PPP1R3F: variants seen among roughly 807,000 people sequenced by gnomAD.
The protein encoded by PPP1R3F is protein phosphatase 1, regulatory (inhibitor) subunit 3F.
Under a neutral mutation model 24.2 loss-of-function variants are expected in PPP1R3F, and 29 were observed. The observed-to-expected ratio is 1.20, with a 90% CI of 0.89 to 1.63. The LOEUF is 1.63. Among genes scored for constraint, PPP1R3F ranks in the 40% most tolerant of loss-of-function variants. The pLI is 0.00. For synonymous variants in PPP1R3F, 363 were observed against 340.1 expected, an observed-to-expected ratio of 1.07 and a Z score of -0.74; for missense variants, 823 against 729.3, an observed-to-expected ratio of 1.13 and a Z score of -1.48.
intron 1 of PPP1R3F, among the ~76,000 whole-genome samples, chrX:49,272,033 TC>T (rs1206223631): frequency 1.8e-5 from 2 of 112,549 alleles, no homozygotes; most frequent in African/African-American, 6.5e-5. Context: ...ATTTCCCTGT[TC>T]CTGGGAGGAC....
chrX:49,286,451 C>T lies in PPP1R3F; in HGVS notation c.1761C>T (p.Pro587=). The T allele has an allele frequency of 8.3e-7, 1 of 1,198,135 alleles. No individual in the cohort carries two copies. Among genetic ancestry groups the T allele is most frequent in the Non-Finnish European group, 1.1e-6 (1 of 886,857 alleles). ...GEGEEGLSVT[P]SSPEGDSPKE... is the part of the protein sequence containing the mutation. ...GTGAAGAGGGGCTCTCTGTCACACC[C>T]TCCAGCCCAGAAGGGGACAGCCCCA... is the stretch of plus-strand genomic sequence containing the variant. Residue 587 remains proline, a synonymous_variant, in exon 4 of 4, where the codon CCC becomes CCT. Transcript: ENST00000055335.
Position 49,270,124 on chromosome X carries a change from C to T in PPP1R3F, c.255C>T (p.Gly85=). The T allele has an allele frequency of 9.6e-7, 1 of 1,043,789 alleles. No individual in the cohort carries two copies. Among genetic ancestry groups the T allele is most frequent in the Non-Finnish European group, 1.2e-6 (1 of 817,250 alleles). 86.0% of individuals were successfully genotyped at this position (1,043,789 alleles called of 1,213,427 possible). A position where few individuals can be genotyped will look rare whatever the true frequency, so the allele number is the denominator to read the frequency against. The change falls in exon 1 of 4, where the codon GGC becomes GGT. Residue 85 remains glycine, a synonymous_variant. Coordinates refer to ENST00000055335, the MANE Select transcript of PPP1R3F (RefSeq NM_033215.5). ...GCGGGGCCGACGAGGACGACGATGG[C>T]GAGGATGGGGATGAAGGGGAGGAGG... ...GGGGADEDDD[G]EDGDEGEEEE...
chrX:49,300,662 G>GT (rs1372011742), intron 3 of PPP1R3F, among the ~76,000 whole-genome samples: 5 of 109,482 alleles, frequency 4.6e-5, no homozygotes, highest in East Asian at 2.9e-4. Context: ...GATTAATTTT[G>GT]TTTTTTTGAT....
Position 49,269,818 on chromosome X carries a change from T to C in PPP1R3F, c.-52T>C. ...ATTGGCTGCCCGCCCCTTCAGGCCCTGCCCCCGCCGGTCCCGCCGCCGGTG... is the reference window on the plus strand; with the variant it reads ...ATTGGCTGCCCGCCCCTTCAGGCCCCGCCCCCGCCGGTCCCGCCGCCGGTG... On this transcript the variant is annotated 5_prime_UTR_variant, in exon 1 of 4. Coordinates refer to ENST00000055335, the MANE Select transcript of PPP1R3F (RefSeq NM_033215.5). The C allele has an allele frequency of 2.5e-6, 2 of 795,042 alleles. No homozygotes were observed. The highest frequency in any genetic ancestry group is 3.1e-6 in the Non-Finnish European group (2 of 644,034). The allele number at this position is 795,042 out of a possible 1,213,427, so 65.5% of individuals were successfully genotyped here. A position where few individuals can be genotyped will look rare whatever the true frequency, so the allele number is the denominator to read the frequency against.
At chrX:49,301,267 C>G in intron 3 of PPP1R3F, 1 of 422,442 alleles carries the variant, frequency 2.4e-6, no homozygotes, top group Non-Finnish European at 4.1e-6. Context: ...AAAACCCAAA[C>G]TGTAGTATGC....
At position 49,269,798 on chromosome X, in the gene PPP1R3F, C is replaced by A; in HGVS notation, c.-72C>A. The A allele has an allele frequency of 1.5e-6, 1 of 673,033 alleles. No individual in the cohort carries two copies. Among genetic ancestry groups the A allele is most frequent in the Non-Finnish European group, 1.9e-6 (1 of 535,020 alleles). 55.5% of individuals were successfully genotyped at this position (673,033 alleles called of 1,213,427 possible). A position where few individuals can be genotyped will look rare whatever the true frequency, so the allele number is the denominator to read the frequency against. On this transcript the variant is annotated 5_prime_UTR_variant, in exon 1 of 4. In the 5' UTR this introduces an upstream ATG that the reference lacks. Coordinates refer to ENST00000055335, the MANE Select transcript of PPP1R3F (RefSeq NM_033215.5). The stretch of plus-strand genomic sequence containing the variant: ...CCCTCCGCGCTGGCCTTCCCATTGG[C>A]TGCCCGCCCCTTCAGGCCCTGCCCC...
intron 3 of PPP1R3F, among the ~76,000 whole-genome samples, chrX:49,301,125 A>G (rs1334921191): frequency 6.2e-5 from 7 of 112,606 alleles, no homozygotes; most frequent in African/African-American, 2.3e-4. Context: ...CTGAATTTAA[A>G]GGAGGTACTT....
intron 1 of PPP1R3F, among the ~76,000 whole-genome samples, chrX:49,279,801 C>G (rs1295486082): frequency 8.9e-6 from 1 of 112,508 alleles, no homozygotes; most frequent in Admixed American, 9.3e-5. Context: ...ATGCTTCCCT[C>G]ATTTACCTTA....
At chrX:49,299,747 G>A (rs782095383) in intron 3 of PPP1R3F, among the ~76,000 whole-genome samples, 9 of 111,881 alleles carry the variant, frequency 8.0e-5, no homozygotes, top group Non-Finnish European at 1.7e-4. Context: ...TGGCTACAGC[G>A]GGTTTGCCAA....
intron 1 of PPP1R3F, chrX:49,281,181 G>A: frequency 3.3e-6 from 1 of 303,686 alleles, no homozygotes; most frequent in Non-Finnish European, 5.7e-6. Context: ...TGGCTGATGT[G>A]TGATTGTTTT....
intron 3 of PPP1R3F, among the ~76,000 whole-genome samples, chrX:49,283,049 A>G (rs1401651338): frequency 9.1e-6 from 1 of 109,359 alleles, no homozygotes; most frequent in African/African-American, 3.3e-5. Flanking sequence ...TTTTAATTAC[A>G]AAAAGTTTCA....
chrX:49,288,962 C>T (rs984879106), downstream of PPP1R3F, among the ~76,000 whole-genome samples: 6 of 110,390 alleles, frequency 5.4e-5, no homozygotes, highest in Admixed American at 9.7e-5. Context: ...GGTGAAACCC[C>T]GTCTCTACTA....
chrX:49,277,900 A>G (rs1297422993), intron 1 of PPP1R3F, among the ~76,000 whole-genome samples: 1 of 111,948 alleles, frequency 8.9e-6, no homozygotes, highest in Non-Finnish European at 1.9e-5. Context: ...TGTCAATGAG[A>G]GGGGCCCATG....
At chrX:49,281,521 T>G in intron 2 of PPP1R3F, 60 bp downstream of exon 2, 10 of 977,211 alleles carry the variant, frequency 1.0e-5, no homozygotes, top group Non-Finnish European at 1.4e-5. Context: ...TTCTTCCTAC[T>G]GTTTTTCTTT....
intron 1 of PPP1R3F, chrX:49,274,308 G>A (rs918886924): frequency 9.0e-6 from 1 of 111,523 alleles, no homozygotes; most frequent in East Asian, 2.8e-4. Context: ...GACCAAGAGA[G>A]CCTCACCATG....
intron 1 of PPP1R3F, among the ~76,000 whole-genome samples, chrX:49,279,173 T>C (rs375311947): frequency 8.3e-4 from 93 of 111,646 alleles, no homozygotes; most frequent in South Asian, 1.9e-3. Flanking sequence ...GAGGATCGCT[T>C]GAGTCCAGGA....
chrX:49,291,322 C>CTCTCTG (rs1231496372), downstream of PPP1R3F, among the ~76,000 whole-genome samples: 1 of 104,106 alleles, frequency 9.6e-6, no homozygotes, highest in Non-Finnish European at 2.0e-5. Context: ...CTCTCTCTCT[C>CTCTCTG]TCTCTGTCTC....
In PPP1R3F at chrX:49,270,362, C is replaced by T. The variant is rs1396359994; in HGVS notation, c.493C>T (p.Arg165Cys). 1.1e-5 allele frequency: 13 copies of T among 1,154,187 alleles called. No individual in the cohort carries two copies. The highest frequency in any genetic ancestry group is 1.1e-4 in the African/African-American group (6 of 55,846). ...WVPGGRPPVL[R>C]GLVRVLNRSF... ...GCCTGGGGGCCGCCCGCCGGTGCTG[C>T]GCGGGTTGGTACGCGTGCTGAACCG... Residue 165 changes from arginine (R) to cysteine (C), a missense_variant, in exon 1 of 4, where the codon CGC becomes TGC. Coordinates refer to ENST00000055335, the MANE Select transcript of PPP1R3F (RefSeq NM_033215.5).
In PPP1R3F at chrX:49,269,880, C is replaced by G; in HGVS notation, c.11C>G (p.Thr4Arg). The change falls in exon 1 of 4, where the codon ACG (threonine) becomes AGG (arginine). Residue 4 changes from threonine to arginine, a missense_variant. Transcript: ENST00000055335. MARTAPVEPPLRHS... is the reference protein window; with the variant it reads MARRAPVEPPLRHS... ...GCCGCCGCCGCCGATATGGCGCGTA[C>G]GGCCCCTGTGGAGCCCCCGCTGCGG... The G allele has an allele frequency of 1.1e-6, 1 of 897,315 alleles. No homozygotes were observed. Among genetic ancestry groups the G allele is most frequent in the Non-Finnish European group, 1.4e-6 (1 of 729,743 alleles). 73.9% of individuals were successfully genotyped at this position (897,315 alleles called of 1,213,427 possible).
Sources: allele counts gnomAD v4.1 joint callset (sites outside exome capture counted in the v4.1 genomes callset), GRCh38; gene constraint gnomAD v4.1.1; transcripts MANE v1.5; gene names NCBI Gene and HGNC (gene_info 2026-07-23, HGNC 2026-07-21).